EDN1: variants seen among roughly 807,000 people sequenced by gnomAD.
The protein encoded by EDN1 is endothelin-1.
Under a neutral mutation model 21.7 loss-of-function variants are expected in EDN1, and 11 were observed. The ratio of observed to expected loss-of-function variants is 0.51; its 90% CI spans 0.32 to 0.84. The LOEUF is 0.84. Ranked by LOEUF, EDN1 falls within the 40% of genes least tolerant of loss-of-function variation. EDN1 has a pLI of 0.03. For synonymous variants in EDN1, 85 were observed against 90.6 expected, an observed-to-expected ratio of 0.94 and a Z score of 0.35; for missense variants, 244 against 262.3, an observed-to-expected ratio of 0.93 and a Z score of 0.48.
the EDN1 span, among the ~76,000 whole-genome samples, chr6:12,260,834 C>A: frequency 2.0e-5 from 3 of 152,056 alleles, no homozygotes. Context: ...AAACCTAGAT[C>A]TTTTTGCACC....
chr6:12,261,574 G>A, the EDN1 span, among the ~76,000 whole-genome samples: 5 of 152,084 alleles, frequency 3.3e-5, no homozygotes, highest in African/African-American at 4.8e-5. Context: ...GAAGGGAAGC[G>A]GTGTTATTAA....
chr6:12,276,308 G>A, the EDN1 span, among the ~76,000 whole-genome samples: 2 of 152,064 alleles, frequency 1.3e-5, no homozygotes, highest in Admixed American at 6.6e-5. Context: ...AGAAAGGAAC[G>A]ATGTGACTGT....
chr6:12,258,246 G>T, the EDN1 span, among the ~76,000 whole-genome samples: 7 of 151,004 alleles, frequency 4.6e-5, no homozygotes, highest in African/African-American at 1.7e-4. Flanking sequence ...GAGGCCAGGA[G>T]TTCGAGACCA....
chr6:12,283,486 A>G, the EDN1 span, among the ~76,000 whole-genome samples: 1 of 152,206 alleles, frequency 6.6e-6, no homozygotes, highest in Admixed American at 6.5e-5. Flanking sequence ...TTGAACTCAT[A>G]CAATATTTCC....
At chr6:12,243,993 G>C in the EDN1 span, among the ~76,000 whole-genome samples, 1 of 152,044 alleles carries the variant, frequency 6.6e-6, no homozygotes. Context: ...CAGACTATAA[G>C]TTAAGACTTG....
the EDN1 span, among the ~76,000 whole-genome samples, chr6:12,275,264 A>G: frequency 3.3e-5 from 5 of 152,138 alleles, no homozygotes; most frequent in Non-Finnish European, 7.3e-5. Context: ...CTTGTGTCAC[A>G]TGGACAGACA....
rs533831847 is a variant in EDN1, at chr6:12,290,618, C to CT, written c.-5dup. 213 of 1,613,678 alleles carry CT rather than the reference C, an allele frequency of 1.3e-4. No homozygotes were observed. The highest frequency in any genetic ancestry group is 2.2e-5 in the Non-Finnish European group (26 of 1,179,596). On this transcript the variant is annotated 5_prime_UTR_variant, in exon 1 of 5. Coordinates refer to ENST00000379375, the MANE Select transcript of EDN1 (RefSeq NM_001955.5). ...AGTTTGAACGGGAGGTTTTTGATCC[C>CT]TTTTTTTCAGAATGGATTATTTGCT...
chr6:12,278,937 C>T, the EDN1 span, among the ~76,000 whole-genome samples: 36 of 152,206 alleles, frequency 2.4e-4, no homozygotes, highest in Admixed American at 6.5e-4. Context: ...ATCTCAAATA[C>T]TTGAGTCCTT....
At chr6:12,245,610 T>C in the EDN1 span, among the ~76,000 whole-genome samples, 28 of 152,194 alleles carry the variant, frequency 1.8e-4, no homozygotes, top group African/African-American at 6.5e-4. Flanking sequence ...CCTTGCTAAA[T>C]TTAGGATTCC....
At chr6:12,232,218 ATG>A in the EDN1 span, among the ~76,000 whole-genome samples, 1 of 147,590 alleles carries the variant, frequency 6.8e-6, no homozygotes. Flanking sequence ...AATAAAGTAT[ATG>A]TTATAATTTT....
At position 12,295,960 on chromosome 6, in the gene EDN1, A is replaced by G; in HGVS notation, c.534-2A>G. On this transcript the variant is annotated splice_acceptor_variant, in intron 4 of 4. Transcript: ENST00000379375. LOFTEE classifies it high-confidence loss of function. ...TTGTTTTCTCTTATCTTGCTTTATT[A>G]GGTCGGAGACCATGAGAAACAGCGT... is the stretch of plus-strand genomic sequence containing the variant. 2 of 1,613,590 alleles carry G rather than the reference A, an allele frequency of 1.2e-6. No individual in the cohort carries two copies. Among genetic ancestry groups the G allele is most frequent in the Non-Finnish European group, 8.5e-7 (1 of 1,179,578 alleles).
rs1295613147 is a variant in EDN1, at chr6:12,296,346, G to A, written c.*279G>A. On this transcript the variant is annotated 3_prime_UTR_variant, in exon 5 of 5. Coordinates refer to ENST00000379375, the MANE Select transcript of EDN1 (RefSeq NM_001955.5). ...AAACACACAGTCACATTCGAATTCG[G>A]GTGGCATCCTCCGGAGAGAGAGAGA... The A allele has an allele frequency of 1.0e-5, 4 of 396,130 alleles. No homozygotes were observed. Among genetic ancestry groups the A allele is most frequent in the Non-Finnish European group, 1.9e-5 (4 of 207,662 alleles). 24.5% of individuals were successfully genotyped at this position (396,130 alleles called of 1,614,324 possible).
the EDN1 span, among the ~76,000 whole-genome samples, chr6:12,234,370 C>T: frequency 1.3e-5 from 2 of 152,180 alleles, no homozygotes; most frequent in Non-Finnish European, 2.9e-5. Flanking sequence ...CAATGACATC[C>T]CCTTTCATGG....
chr6:12,251,668 C>A, the EDN1 span, among the ~76,000 whole-genome samples: 2 of 152,154 alleles, frequency 1.3e-5, no homozygotes, highest in African/African-American at 4.8e-5. Context: ...TGGCTGAAAT[C>A]TTTTCGAACC....
chr6:12,271,858 T>C, the EDN1 span, among the ~76,000 whole-genome samples: 1 of 152,234 alleles, frequency 6.6e-6, no homozygotes, highest in Non-Finnish European at 1.5e-5. Context: ...TACATGACAT[T>C]GTAATGACAC....
chr6:12,264,436 TAA>T, the EDN1 span, among the ~76,000 whole-genome samples: 39 of 152,318 alleles, frequency 2.6e-4, no homozygotes, highest in African/African-American at 9.4e-4. Flanking sequence ...AGCAGATATA[TAA>T]GAGAATATTA....
the EDN1 span, among the ~76,000 whole-genome samples, chr6:12,274,591 A>G: frequency 3.9e-5 from 6 of 152,362 alleles, no homozygotes; most frequent in African/African-American, 1.4e-4. Flanking sequence ...CAGCATCTAG[A>G]ACACTACCTG....
the EDN1 span, among the ~76,000 whole-genome samples, chr6:12,245,984 A>T: frequency 6.6e-6 from 1 of 151,642 alleles, no homozygotes; most frequent in Non-Finnish European, 1.5e-5. Context: ...TGCCATAACA[A>T]TGTTGTATTT....
the EDN1 span, among the ~76,000 whole-genome samples, chr6:12,244,782 T>C: frequency 6.6e-6 from 1 of 152,214 alleles, no homozygotes; most frequent in African/African-American, 2.4e-5. Context: ...CTTATGCTCC[T>C]GCAAAAGGAT....
Sources: gnomAD v4.1 joint callset for allele counts (sites outside exome capture counted in the v4.1 genomes callset) on GRCh38, gnomAD v4.1.1 for gene constraint, MANE v1.5 for transcripts, NCBI Gene and HGNC (gene_info 2026-07-23, HGNC 2026-07-21) for gene names.